The following MARCHF1 variants were observed in gnomAD, a reference collection of about 807,000 sequenced individuals.
The protein encoded by MARCHF1 is membrane associated ring-CH-type finger 1, also known as E3 ubiquitin-protein ligase MARCHF1.
MARCHF1 carries 40 observed loss-of-function variants against 54.2 expected under a neutral mutation model. The ratio of observed to expected loss-of-function variants is 0.74; its 90% CI spans 0.57 to 0.96. The LOEUF (loss-of-function observed/expected upper bound fraction) is 0.96, where lower values mean the gene tolerates loss of function less well. MARCHF1 is among the 40% of genes least tolerant of loss of function. MARCHF1 has a pLI of 0.00. For missense variants in MARCHF1, 586 were observed against 656.5 expected (o/e 0.89, Z 1.17); for synonymous variants, 236 against 236.3 (o/e 1.00, Z 0.01).
intron 2 of MARCHF1, among the ~76,000 whole-genome samples, chr4:164,016,135 A>T (rs1346344115): frequency 6.6e-6 from 1 of 152,146 alleles, no homozygotes; most frequent in Admixed American, 6.6e-5. Context: ...GCTATAAAGA[A>T]CTTCCCTGAG....
chr4:163,613,631 A>T (rs1741424138), intron 5 of MARCHF1: 2 of 1,421,806 alleles, frequency 1.4e-6, no homozygotes, highest in African/African-American at 2.9e-5. Context: ...TTTACGAGAG[A>T]GGAAGATGAT....
At chr4:163,935,834 G>A (rs752286569) in intron 3 of MARCHF1, among the ~76,000 whole-genome samples, 10 of 151,548 alleles carry the variant, frequency 6.6e-5, no homozygotes, top group Non-Finnish European at 1.5e-4. Context: ...ATTCACTGGA[G>A]TAGAACTTTA....
intron 1 of MARCHF1, among the ~76,000 whole-genome samples, chr4:164,270,821 A>T (rs1448397131): frequency 6.6e-6 from 1 of 152,168 alleles, no homozygotes; most frequent in East Asian, 1.9e-4. Context: ...AAATTCAATG[A>T]AATTCCTATC....
At chr4:164,321,597 C>G (rs1180946241) in intron 1 of MARCHF1, among the ~76,000 whole-genome samples, 1 of 152,038 alleles carries the variant, frequency 6.6e-6, no homozygotes, top group Non-Finnish European at 1.5e-5. Flanking sequence ...GGAAAAACAT[C>G]TAGAAGACCC....
chr4:163,573,350 T>C (rs1739908526), intron 8 of MARCHF1, among the ~76,000 whole-genome samples: 1 of 151,012 alleles, frequency 6.6e-6, no homozygotes, highest in Non-Finnish European at 1.5e-5. Flanking sequence ...TTAGGGTACA[T>C]GTGCACAATG....
At chr4:163,982,243 A>C (rs1579439161) in intron 3 of MARCHF1, among the ~76,000 whole-genome samples, 1 of 152,200 alleles carries the variant, frequency 6.6e-6, no homozygotes, top group African/African-American at 2.4e-5. Context: ...AGTAGTTGGA[A>C]AGTGCTTTTC....
intron 7 of MARCHF1, among the ~76,000 whole-genome samples, chr4:163,607,315 G>T (rs1243040188): frequency 6.6e-6 from 1 of 152,010 alleles, no homozygotes; most frequent in Non-Finnish European, 1.5e-5. Context: ...GGAACACTGG[G>T]ATTGAGAAAA....
At chr4:163,877,181 T>A (rs888362574) in intron 3 of MARCHF1, among the ~76,000 whole-genome samples, 6 of 152,226 alleles carry the variant, frequency 3.9e-5, no homozygotes, top group African/African-American at 1.4e-4. Flanking sequence ...TTTGATCTGT[T>A]ATCACTTGTG....
chr4:164,028,590 G>T (rs1378640307), intron 2 of MARCHF1, among the ~76,000 whole-genome samples: 1 of 152,154 alleles, frequency 6.6e-6, no homozygotes, highest in Non-Finnish European at 1.5e-5. Context: ...GGGAAACGAG[G>T]AGGGAGAATG....
At chr4:163,822,972 C>T (rs1748737066) in intron 4 of MARCHF1, among the ~76,000 whole-genome samples, 1 of 151,778 alleles carries the variant, frequency 6.6e-6, no homozygotes, top group African/African-American at 2.4e-5. Context: ...TGTTAGAGTC[C>T]TCCTCTCTTT....
Position 163,597,036 on chromosome 4 carries a change from A to G in MARCHF1, c.1011-11107T>C, listed in dbSNP as rs548652926. The stretch of plus-strand genomic sequence containing the variant: ...AGTGGTGCAATCTCGGCTCACTGCA[A>G]TCTCTGCCTCCTGGGTTCAAAGGAT... On this transcript the variant is annotated intron_variant, in intron 7 of 9. Coordinates refer to ENST00000514618, the MANE Select transcript of MARCHF1 (RefSeq NM_001394959.1). Among the ~76,000 whole-genome samples, 230 of 152,214 alleles carry G rather than the reference A, an allele frequency of 1.5e-3. 1 individual carries two copies. Among genetic ancestry groups the G allele is most frequent in the African/African-American group, 5.2e-3 (214 of 41,540 alleles).
intron 5 of MARCHF1, among the ~76,000 whole-genome samples, chr4:163,676,661 C>G (rs190235775): frequency 2.6e-4 from 39 of 152,194 alleles, no homozygotes; most frequent in African/African-American, 9.4e-4. Context: ...GAGGCTGAGG[C>G]TGGAGGATGG....
chr4:164,204,814 A>G (rs1460278133), intron 1 of MARCHF1, among the ~76,000 whole-genome samples: 1 of 152,236 alleles, frequency 6.6e-6, no homozygotes, highest in Non-Finnish European at 1.5e-5. Flanking sequence ...ATTCAGCTTC[A>G]TCAGAAGGTA....
chr4:164,327,587 A>G (rs1164208651), intron 1 of MARCHF1, among the ~76,000 whole-genome samples: 1 of 152,188 alleles, frequency 6.6e-6, no homozygotes, highest in Non-Finnish European at 1.5e-5. Flanking sequence ...TGACATGCTC[A>G]GTCACCCCTG....
At chr4:164,127,011 G>A (rs1371390908) in intron 1 of MARCHF1, among the ~76,000 whole-genome samples, 1 of 150,836 alleles carries the variant, frequency 6.6e-6, no homozygotes, top group Non-Finnish European at 1.5e-5. Context: ...CAGAGATTGT[G>A]CCATTGCACT....
At chr4:164,200,898 T>A (rs1731432917) in intron 1 of MARCHF1, among the ~76,000 whole-genome samples, 2 of 151,968 alleles carry the variant, frequency 1.3e-5, no homozygotes, top group Admixed American at 1.3e-4. Context: ...CTAGTAAGGA[T>A]CTGGAGTGGA....
chr4:164,162,286 C>A (rs1271816085), intron 1 of MARCHF1, among the ~76,000 whole-genome samples: 2 of 151,930 alleles, frequency 1.3e-5, no homozygotes, highest in African/African-American at 4.8e-5. Flanking sequence ...AAATTCTGAA[C>A]TGGAAGATAT....
chr4:163,568,143 A>C (rs1172367643), intron 8 of MARCHF1, among the ~76,000 whole-genome samples: 1 of 152,108 alleles, frequency 6.6e-6, no homozygotes, highest in South Asian at 2.1e-4. Context: ...TCCCAATATA[A>C]GTGTATGGCT....
intron 4 of MARCHF1, among the ~76,000 whole-genome samples, chr4:163,805,923 T>G (rs1402782176): frequency 6.6e-6 from 1 of 152,206 alleles, no homozygotes; most frequent in African/African-American, 2.4e-5. Context: ...CCTTCTTTTG[T>G]CAGCATATTA....
Sources: gnomAD v4.1 joint callset for allele counts (sites outside exome capture counted in the v4.1 genomes callset) on GRCh38, gnomAD v4.1.1 for gene constraint, MANE v1.5 for transcripts, NCBI Gene and HGNC (gene_info 2026-07-23, HGNC 2026-07-21) for gene names.